FRMD3: variants seen among roughly 807,000 people sequenced by gnomAD.
The protein encoded by FRMD3 is FERM domain containing 3, also known as FERM domain-containing protein 3.
A neutral mutation model predicts 70.2 loss-of-function variants in FRMD3; 33 were observed. That is an observed-to-expected ratio of 0.47 (90% CI 0.36 to 0.63). The LOEUF is 0.63. FRMD3 is among the 20% of genes least tolerant of loss of function. FRMD3 has a pLI of 0.00. For missense variants in FRMD3, 632 were observed against 711.4 expected (o/e 0.89, Z 1.27); for synonymous variants, 279 against 255.9 (o/e 1.09, Z -0.86).
At chr9:83,455,230 T>G (rs929495930) in intron 1 of FRMD3, among the ~76,000 whole-genome samples, 2 of 152,218 alleles carry the variant, frequency 1.3e-5, no homozygotes, top group Non-Finnish European at 2.9e-5. Flanking sequence ...CTTTATACTT[T>G]TACTACATAG....
At chr9:83,551,061 C>T in the FRMD3 span, among the ~76,000 whole-genome samples, 2 of 152,078 alleles carry the variant, frequency 1.3e-5, no homozygotes, top group African/African-American at 4.8e-5. Flanking sequence ...TGCTGGTTTT[C>T]AAGGGGAATG....
At chr9:83,555,419 T>C in the FRMD3 span, among the ~76,000 whole-genome samples, 1 of 152,172 alleles carries the variant, frequency 6.6e-6, no homozygotes, top group Admixed American at 6.5e-5. Context: ...GTAGAGCACC[T>C]GTGCTGTGCT....
At chr9:83,375,415 T>A (rs576702019) in intron 2 of FRMD3, among the ~76,000 whole-genome samples, 79 of 152,338 alleles carry the variant, frequency 5.2e-4, no homozygotes, top group African/African-American at 1.8e-3. Context: ...GCCTGGTGTA[T>A]CTCAGTTACC....
At chr9:83,339,086 G>A (rs564643479) in intron 5 of FRMD3, among the ~76,000 whole-genome samples, 1 of 152,236 alleles carries the variant, frequency 6.6e-6, no homozygotes, top group East Asian at 1.9e-4. Context: ...GGAGGGCATC[G>A]TTTTTCAGGG....
chr9:83,410,279 G>C (rs1198045413), intron 1 of FRMD3, among the ~76,000 whole-genome samples: 1 of 152,126 alleles, frequency 6.6e-6, no homozygotes, highest in African/African-American at 2.4e-5. Flanking sequence ...CCAATAAGTA[G>C]TTTTTCAACC....
intron 1 of FRMD3, among the ~76,000 whole-genome samples, chr9:83,399,711 T>A (rs1459646695): frequency 6.6e-6 from 1 of 152,244 alleles, no homozygotes; most frequent in Non-Finnish European, 1.5e-5. Flanking sequence ...CTGGGACTGC[T>A]ATATTTGGTT....
upstream of FRMD3, among the ~76,000 whole-genome samples, chr9:83,541,083 C>T (rs756644441): frequency 1.3e-5 from 2 of 152,164 alleles, no homozygotes; most frequent in Non-Finnish European, 2.9e-5. Context: ...GTTTGAAGAT[C>T]CTCTTCGGAA....
At position 83,453,117 on chromosome 9, in the gene FRMD3, A is replaced by T. The variant is rs555200957; in HGVS notation, c.148-63409T>A. Among the ~76,000 whole-genome samples the T allele has an allele frequency of 2.6e-5, 4 of 152,140 alleles. No individual in the cohort carries two copies. The East Asian group carries it at 7.7e-4, about 29-fold the overall frequency. On this transcript the variant is annotated intron_variant, in intron 1 of 13. Coordinates refer to ENST00000304195, the MANE Select transcript of FRMD3 (RefSeq NM_174938.6). The stretch of plus-strand genomic sequence containing the variant: ...GTGATCTGCCTGCCTCAACCTCCCA[A>T]AGTGCTGGGATTACAGGCGTAAGCC...
At chr9:83,417,880 G>A (rs1826501674) in intron 1 of FRMD3, among the ~76,000 whole-genome samples, 1 of 152,086 alleles carries the variant, frequency 6.6e-6, no homozygotes, top group Non-Finnish European at 1.5e-5. Context: ...ATTACAAAGA[G>A]GTAAATAAAA....
Position 83,462,543 on chromosome 9 carries a change from A to G in FRMD3, c.148-72835T>C, listed in dbSNP as rs113755467. 7.0e-3 allele frequency among the ~76,000 whole-genome samples: 1,061 copies of G among 152,198 alleles called. 12 individuals are homozygous for G. Among genetic ancestry groups the G allele is most frequent in the African/African-American group, 0.024 (1,000 of 41,516 alleles). ...GAATTACTATGGTGCCATCTCCTCCATGGTACCACCACATCCCTAGTACAT... is the reference window on the plus strand; with the variant it reads ...GAATTACTATGGTGCCATCTCCTCCGTGGTACCACCACATCCCTAGTACAT... On this transcript the variant is annotated intron_variant, in intron 1 of 13. Transcript: ENST00000304195.
At chr9:83,532,530 G>C (rs1402920932) in intron 1 of FRMD3, among the ~76,000 whole-genome samples, 1 of 152,126 alleles carries the variant, frequency 6.6e-6, no homozygotes, top group African/African-American at 2.4e-5. Context: ...TCTCATGAAA[G>C]GTTTATTGTA....
chr9:83,267,009 T>C (rs1294107796), intron 13 of FRMD3: 16 of 1,550,532 alleles, frequency 1.0e-5, no homozygotes. Context: ...GCACCACACA[T>C]ACCAGTGTTA....
chr9:83,508,892 T>C (rs1366667145), intron 1 of FRMD3, among the ~76,000 whole-genome samples: 1 of 152,116 alleles, frequency 6.6e-6, no homozygotes, highest in African/African-American at 2.4e-5. Flanking sequence ...ATGTGTACTA[T>C]CTGGTCTGTT....
intron 3 of FRMD3, among the ~76,000 whole-genome samples, chr9:83,368,368 G>A (rs1161818043): frequency 6.6e-6 from 1 of 151,972 alleles, no homozygotes; most frequent in South Asian, 2.1e-4. Context: ...GTCTCACTCT[G>A]TCACCCAGGC....
intron 1 of FRMD3, among the ~76,000 whole-genome samples, chr9:83,436,734 T>G (rs1243469476): frequency 6.8e-6 from 1 of 146,232 alleles, no homozygotes; most frequent in East Asian, 2.0e-4. Flanking sequence ...CATTTAAAGA[T>G]ATACATTTTT....
At chr9:83,583,744 G>A in the FRMD3 span, among the ~76,000 whole-genome samples, 1 of 152,058 alleles carries the variant, frequency 6.6e-6, no homozygotes, top group Non-Finnish European at 1.5e-5. Flanking sequence ...AAGTAGCTGG[G>A]ACTACAGGTG....
chr9:83,568,857 G>C, the FRMD3 span, among the ~76,000 whole-genome samples: 2 of 151,848 alleles, frequency 1.3e-5, no homozygotes, highest in African/African-American at 4.8e-5. Context: ...ATGCCACATT[G>C]ATCTATATCA....
intron 1 of FRMD3, among the ~76,000 whole-genome samples, chr9:83,505,438 G>A (rs1040662239): frequency 3.3e-5 from 5 of 152,166 alleles, no homozygotes; most frequent in Non-Finnish European, 5.9e-5. Context: ...AGCTGGGGCC[G>A]TTTTGTTTAC....
At chr9:83,379,185 A>T (rs1019473774) in intron 2 of FRMD3, among the ~76,000 whole-genome samples, 1 of 151,842 alleles carries the variant, frequency 6.6e-6, no homozygotes, top group African/African-American at 2.4e-5. Context: ...TCATTCTTCC[A>T]ATTAGAGTTA....
Sources: gnomAD v4.1 joint callset for allele counts (sites outside exome capture counted in the v4.1 genomes callset) on GRCh38, gnomAD v4.1.1 for gene constraint, MANE v1.5 for transcripts, NCBI Gene and HGNC (gene_info 2026-07-23, HGNC 2026-07-21) for gene names.